RPGRIP1: variants seen among roughly 807,000 people sequenced by gnomAD.
The protein encoded by RPGRIP1 is RPGR interacting protein 1.
Under a neutral mutation model 157.9 loss-of-function variants are expected in RPGRIP1, and 128 were observed. That is an observed-to-expected ratio of 0.81 (90% CI 0.70 to 0.94). The LOEUF (loss-of-function observed/expected upper bound fraction) is 0.94. Ranked by LOEUF, RPGRIP1 falls within the 40% of genes least tolerant of loss-of-function variation. RPGRIP1 has a pLI of 0.00. For missense variants in RPGRIP1, 1,486 were observed against 1,545.8 expected (o/e 0.96, Z 0.65); for synonymous variants, 554 against 571.6 (o/e 0.97, Z 0.44).
intron 21 of RPGRIP1, among the ~76,000 whole-genome samples, chr14:21,335,819 C>T (rs1283483248): frequency 6.7e-6 from 1 of 148,180 alleles, no homozygotes; most frequent in East Asian, 1.9e-4. Context: ...AAAAAAGAGA[C>T]ACACATATAT....
intron 22 of RPGRIP1, among the ~76,000 whole-genome samples, chr14:21,344,832 A>G (rs371799794): frequency 2.7e-3 from 407 of 152,200 alleles, no homozygotes; most frequent in African/African-American, 7.7e-3. Flanking sequence ...TGTAATCCCA[A>G]CTACTCGGGA....
chr14:21,296,332 G>T (rs1415695146), intron 3 of RPGRIP1, among the ~76,000 whole-genome samples: 1 of 151,404 alleles, frequency 6.6e-6, no homozygotes, highest in Non-Finnish European at 1.5e-5. Flanking sequence ...CTCCCAAAGC[G>T]CTAGGATTAC....
At chr14:21,337,848 C>T (rs1046893318) in intron 21 of RPGRIP1, among the ~76,000 whole-genome samples, 6 of 150,994 alleles carry the variant, frequency 4.0e-5, no homozygotes, top group African/African-American at 1.2e-4. Context: ...CTCCGCCTCC[C>T]GGGTTCAAGC....
intron 22 of RPGRIP1, among the ~76,000 whole-genome samples, chr14:21,343,646 G>A (rs10438065): frequency 0.13 from 19,402 of 151,536 alleles, 3,170 homozygotes; most frequent in African/African-American, 0.38. Flanking sequence ...GTGCGCCACC[G>A]TGCCTGGCTA....
At chr14:21,332,885 T>C (rs1252510785) in intron 20 of RPGRIP1, among the ~76,000 whole-genome samples, 2 of 152,128 alleles carry the variant, frequency 1.3e-5, no homozygotes, top group African/African-American at 4.8e-5. Context: ...GGCAGGCAGA[T>C]CACCTGTCAG....
chr14:21,324,406 C>G, intron 14 of RPGRIP1: 1 of 596,896 alleles, frequency 1.7e-6, no homozygotes, highest in Non-Finnish European at 3.0e-6. Flanking sequence ...TTTGTACCTT[C>G]TCCCTAAAGC....
chr14:21,321,455 A>T, intron 13 of RPGRIP1, 53 bp downstream of exon 13: 1 of 1,572,748 alleles, frequency 6.4e-7, no homozygotes, highest in Non-Finnish European at 8.6e-7. Context: ...CGTGGGAACC[A>T]CTCACAGGAC....
chr14:21,337,066 G>A (rs1354751463), intron 21 of RPGRIP1, among the ~76,000 whole-genome samples: 4 of 152,132 alleles, frequency 2.6e-5, no homozygotes, highest in African/African-American at 7.2e-5. Context: ...AAAGGTAGAG[G>A]GGGTTGAAAG....
chr14:21,294,804 C>CAA lies in RPGRIP1; in HGVS notation c.216_217dup (p.Arg73LysfsTer3). ...TTTCTTGGAAGCAACAGGATGAGAT[C>CAA]AAAAGGTACTTAGAGTTCTCCTTAA... is the stretch of plus-strand genomic sequence containing the variant. On this transcript the variant is annotated frameshift_variant, in exon 3 of 25. Coordinates refer to ENST00000400017, the MANE Select transcript of RPGRIP1 (RefSeq NM_020366.4). LOFTEE classifies it high-confidence loss of function. 1.1e-6 allele frequency: 1 copy of CAA among 926,428 alleles called. No individual in the cohort carries two copies. Among genetic ancestry groups the CAA allele is most frequent in the Non-Finnish European group, 1.6e-6 (1 of 615,610 alleles). The allele number at this position is 926,428 out of a possible 1,614,324, so 57.4% of individuals were successfully genotyped here.
chr14:21,343,924 A>G (rs1474229600), intron 22 of RPGRIP1, among the ~76,000 whole-genome samples: 5 of 76,758 alleles, frequency 6.5e-5, no homozygotes, highest in African/African-American at 1.5e-4. Context: ...GAGTCTGAAC[A>G]TGTTGCTCAG....
intron 20 of RPGRIP1, among the ~76,000 whole-genome samples, chr14:21,331,883 C>G (rs1883830687): frequency 6.7e-6 from 1 of 149,946 alleles, no homozygotes; most frequent in Non-Finnish European, 1.5e-5. Flanking sequence ...AGAGTCTTTA[C>G]TACTTAAAAA....
intron 2 of RPGRIP1, 119 bp downstream of exon 2, chr14:21,288,180 C>CTTT (rs35862339): frequency 1.0e-3 from 496 of 489,898 alleles, no homozygotes; most frequent in South Asian, 1.8e-3. Context: ...AGTCTTCTCA[C>CTTT]TTTTTTTTTT....
chr14:21,312,884 G>A (rs1256464427), intron 10 of RPGRIP1, among the ~76,000 whole-genome samples: 1 of 151,812 alleles, frequency 6.6e-6, no homozygotes, highest in Non-Finnish European at 1.5e-5. Flanking sequence ...ACCCAGGCTG[G>A]AAAACAGTGG....
At chr14:21,344,663 A>C (rs2139347040) in intron 22 of RPGRIP1, among the ~76,000 whole-genome samples, 1 of 152,276 alleles carries the variant, frequency 6.6e-6, no homozygotes, top group Middle Eastern at 3.4e-3. Flanking sequence ...ATTTCGAAGG[A>C]GCCTGGGTGC....
intron 10 of RPGRIP1, among the ~76,000 whole-genome samples, chr14:21,316,814 T>C (rs529028954): frequency 8.5e-4 from 130 of 152,268 alleles, no homozygotes; most frequent in Middle Eastern, 3.4e-3. Flanking sequence ...TTCATTTGTA[T>C]GAATGACCAA....
intron 6 of RPGRIP1, among the ~76,000 whole-genome samples, chr14:21,306,863 C>G (rs1881335175): frequency 6.6e-6 from 1 of 151,422 alleles, no homozygotes; most frequent in Non-Finnish European, 1.5e-5. Context: ...GCAACCTCCC[C>G]CTCCCAGGTT....
chr14:21,304,427 GAAA>G (rs1881206421), intron 6 of RPGRIP1, among the ~76,000 whole-genome samples: 2 of 150,554 alleles, frequency 1.3e-5, no homozygotes, highest in South Asian at 2.1e-4. Context: ...AAGAAAGAAA[GAAA>G]GAAAGAAAGA....
chr14:21,318,657 T>C (rs1594195172), intron 11 of RPGRIP1, among the ~76,000 whole-genome samples: 1 of 151,870 alleles, frequency 6.6e-6, no homozygotes, highest in African/African-American at 2.4e-5. Flanking sequence ...TTGTATATTT[T>C]AGTAGAGACG....
intron 8 of RPGRIP1, chr14:21,310,876 A>G (rs991996158): frequency 4.6e-6 from 3 of 655,494 alleles, no homozygotes; most frequent in Non-Finnish European, 8.6e-6. Flanking sequence ...GGAGCAAATT[A>G]TAGCATTTGC....
Sources: gnomAD v4.1 joint callset for allele counts (sites outside exome capture counted in the v4.1 genomes callset) on GRCh38, gnomAD v4.1.1 for gene constraint, MANE v1.5 for transcripts, NCBI Gene and HGNC (gene_info 2026-07-23, HGNC 2026-07-21) for gene names.